The following MC2R variants were observed in gnomAD, a reference collection of about 807,000 sequenced individuals.
MC2R encodes the protein melanocortin 2 receptor.
In MC2R, 9 loss-of-function variants were observed where a neutral mutation model predicts 9.8. The observed-to-expected ratio is 0.92, with a 90% CI of 0.55 to 1.60. MC2R has a LOEUF of 1.60. MC2R is among the 40% of genes most tolerant of loss of function. The pLI, the probability that MC2R is intolerant of heterozygous loss-of-function variation, is 0.00. For synonymous variants in MC2R, 185 were observed against 154.7 expected, an observed-to-expected ratio of 1.20 and a Z score of -1.45; for missense variants, 370 against 389.0, an observed-to-expected ratio of 0.95 and a Z score of 0.41.
At chr18:13,901,004 ACAAGTCTTAAAACATT>A (rs755676571) in intron 1 of MC2R, among the ~76,000 whole-genome samples, 6 of 152,174 alleles carry the variant, frequency 3.9e-5, no homozygotes, top group Non-Finnish European at 7.4e-5. Flanking sequence ...AGGTCACAAA[ACAAGTCTTAAAACATT>A]CAAAAAAATT....
intron 1 of MC2R, among the ~76,000 whole-genome samples, chr18:13,900,315 T>A (rs535710947): frequency 8.6e-5 from 13 of 151,998 alleles, no homozygotes; most frequent in African/African-American, 2.9e-4. Flanking sequence ...AAATCATCAC[T>A]TTTACTAAAA....
intron 1 of MC2R, among the ~76,000 whole-genome samples, chr18:13,891,421 A>G (rs978136099): frequency 2.6e-5 from 4 of 152,186 alleles, no homozygotes; most frequent in African/African-American, 9.7e-5. Flanking sequence ...GTGAACCTAC[A>G]TGAGGAGGAT....
intron 1 of MC2R, among the ~76,000 whole-genome samples, chr18:13,909,505 T>TA (rs773884344): frequency 1.3e-5 from 2 of 152,228 alleles, no homozygotes; most frequent in Non-Finnish European, 2.9e-5. Context: ...GTGGAGTGTC[T>TA]ACATAATCCA....
Position 13,884,235 on chromosome 18 carries a change from T to C in MC2R, c.*390A>G, listed in dbSNP as rs749097541. On this transcript the variant is annotated 3_prime_UTR_variant, in exon 2 of 2. Coordinates refer to ENST00000327606, the MANE Select transcript of MC2R (RefSeq NM_000529.2). ...GCCACCTCAGAACTGGCTTGTTAGA[T>C]GTCCACAGGAAAGCAAGTCTTTGCC... is the stretch of plus-strand genomic sequence containing the variant. 8.9e-5 allele frequency: 27 copies of C among 304,638 alleles called. No homozygotes were observed. Among genetic ancestry groups the C allele is most frequent in the Non-Finnish European group, 1.5e-4 (24 of 157,596 alleles). 18.9% of individuals were successfully genotyped at this position (304,638 alleles called of 1,614,324 possible).
At chr18:13,906,729 TACA>T (rs2045416794) in intron 1 of MC2R, among the ~76,000 whole-genome samples, 2 of 152,308 alleles carry the variant, frequency 1.3e-5, no homozygotes, top group Admixed American at 6.5e-5. Flanking sequence ...AACACTTATA[TACA>T]ACAACAGTGA....
intron 1 of MC2R, among the ~76,000 whole-genome samples, chr18:13,887,600 T>C (rs753830546): frequency 4.5e-4 from 69 of 152,138 alleles, no homozygotes; most frequent in Admixed American, 5.2e-4. Flanking sequence ...GAGATGCACA[T>C]TTGAACAGGT....
chr18:13,905,441 G>A (rs144588929), intron 1 of MC2R, among the ~76,000 whole-genome samples: 117 of 151,574 alleles, frequency 7.7e-4, no homozygotes, highest in African/African-American at 2.3e-3. Context: ...AGCCGTGATC[G>A]TGCCACTACA....
chr18:13,885,303 C>T lies in MC2R; in HGVS notation c.216G>A (p.Leu72=), dbSNP rs2045268897. The T allele has an allele frequency of 6.2e-7, 1 of 1,614,100 alleles. No homozygotes were observed. Among genetic ancestry groups the T allele is most frequent in the South Asian group, 1.1e-5 (1 of 91,054 alleles). The change falls in exon 2 of 2, where the codon CTG becomes CTA. Residue 72 remains leucine (L), a synonymous_variant. Transcript: ENST00000327606. ...FICSLAISDM[L]GSLYKILENI... ...TTTCCAAGATCTTATATAGGCTGCC[C>T]AGCATATCAGATATGGCCAAGCTAC... is the stretch of plus-strand genomic sequence containing the variant.
At chr18:13,896,326 C>A (rs1223997117) in intron 1 of MC2R, among the ~76,000 whole-genome samples, 3 of 152,132 alleles carry the variant, frequency 2.0e-5, no homozygotes, top group African/African-American at 7.2e-5. Context: ...CCATTCCCTC[C>A]CTGACCCTGG....
At chr18:13,909,848 C>T (rs993355504) in intron 1 of MC2R, among the ~76,000 whole-genome samples, 3 of 152,204 alleles carry the variant, frequency 2.0e-5, no homozygotes, top group African/African-American at 4.8e-5. Context: ...TCCCTGATTT[C>T]TTCCAGTGCA....
chr18:13,887,548 G>A (rs181789228), intron 1 of MC2R, among the ~76,000 whole-genome samples: 3 of 152,344 alleles, frequency 2.0e-5, no homozygotes, highest in Non-Finnish European at 4.4e-5. Context: ...CCAGGTATGT[G>A]GTGAGACAGT....
intron 1 of MC2R, among the ~76,000 whole-genome samples, chr18:13,914,080 T>C (rs1229613415): frequency 1.3e-5 from 2 of 150,650 alleles, no homozygotes; most frequent in Non-Finnish European, 3.0e-5. Context: ...TTTTTTAAGA[T>C]GTCTTAAGTT....
chr18:13,895,150 G>C (rs1420856969), intron 1 of MC2R, among the ~76,000 whole-genome samples: 6 of 152,240 alleles, frequency 3.9e-5, no homozygotes, highest in Admixed American at 3.9e-4. Context: ...ACAACCCAGG[G>C]TAATCTGAAT....
intron 1 of MC2R, among the ~76,000 whole-genome samples, chr18:13,896,346 T>C (rs2045346233): frequency 1.3e-5 from 2 of 152,146 alleles, no homozygotes; most frequent in Non-Finnish European, 2.9e-5. Context: ...GCACAAAGCT[T>C]TCTCAACCAG....
intron 1 of MC2R, among the ~76,000 whole-genome samples, chr18:13,893,066 T>G (rs1023645496): frequency 6.6e-6 from 1 of 152,242 alleles, no homozygotes; most frequent in Admixed American, 6.5e-5. Flanking sequence ...CTTCAGTTCA[T>G]GTGCAGTGAA....
In MC2R at chr18:13,896,747, G is replaced by A. The variant is rs903295983; in HGVS notation, c.-128-11101C>T. 2.0e-5 allele frequency among the ~76,000 whole-genome samples: 3 copies of A among 152,226 alleles called. No individual in the cohort carries two copies. The South Asian group carries it at 6.2e-4, about 32-fold the overall frequency. The stretch of plus-strand genomic sequence containing the variant: ...AACATGACTGATTTATGACTCAGTG[G>A]CCTTGAACAAATAATCAATGATGTT... On this transcript the variant is annotated intron_variant, in intron 1 of 1. Transcript: ENST00000327606.
intron 1 of MC2R, among the ~76,000 whole-genome samples, chr18:13,891,409 G>C (rs1209593332): frequency 2.0e-5 from 3 of 152,146 alleles, no homozygotes; most frequent in Non-Finnish European, 4.4e-5. Flanking sequence ...ATATAGTTTT[G>C]TGTGAACCTA....
At chr18:13,885,761 T>C (rs1458454476) in intron 1 of MC2R, 115 bp from the exon 2 acceptor site, 3 of 512,660 alleles carry the variant, frequency 5.9e-6, no homozygotes, top group East Asian at 7.0e-5. Context: ...ATCAGTATAT[T>C]AGAAGGAGCC....
At chr18:13,912,720 C>T (rs574756067) in intron 1 of MC2R, among the ~76,000 whole-genome samples, 113 of 152,310 alleles carry the variant, frequency 7.4e-4, no homozygotes, top group African/African-American at 2.5e-3. Flanking sequence ...TCACTGTCTC[C>T]AGCTGAAGTC....
Sources: allele counts gnomAD v4.1 joint callset (sites outside exome capture counted in the v4.1 genomes callset), GRCh38; gene constraint gnomAD v4.1.1; transcripts MANE v1.5; gene names NCBI Gene and HGNC (gene_info 2026-07-23, HGNC 2026-07-21).